The following FRMPD4 variants were observed in gnomAD, a reference collection of about 807,000 sequenced individuals.
The protein encoded by FRMPD4 is FERM and PDZ domain-containing protein 4.
In FRMPD4, 22 loss-of-function variants were observed where a neutral mutation model predicts 94.1. The observed-to-expected ratio is 0.23, with a 90% CI of 0.17 to 0.33. The LOEUF is 0.33. Among genes scored for constraint, FRMPD4 ranks in the 10% least tolerant of loss-of-function variants. The probability of loss-of-function intolerance (pLI) is 1.00; values close to 1 mark genes in which losing one functional copy is unlikely to be tolerated. For missense variants in FRMPD4, 1,111 were observed against 1,339.9 expected, an observed-to-expected ratio of 0.83 and a Z score of 2.67; for synonymous variants, 631 against 548.6, an observed-to-expected ratio of 1.15 and a Z score of -2.10.
intron 3 of FRMPD4, among the ~76,000 whole-genome samples, chrX:12,079,499 C>G (rs1249914232): frequency 9.0e-6 from 1 of 111,671 alleles, no homozygotes; most frequent in African/African-American, 3.3e-5. Flanking sequence ...CATTTTTACA[C>G]TTTAAGACTT....
chrX:12,107,067 G>A (rs879215093), intron 3 of FRMPD4, among the ~76,000 whole-genome samples: 10 of 111,629 alleles, frequency 9.0e-5, no homozygotes, highest in Non-Finnish European at 1.3e-4. Context: ...CTCCCAGCAC[G>A]GAGTCTGAGA....
intron 1 of FRMPD4, among the ~76,000 whole-genome samples, chrX:12,175,374 A>G (rs1045779932): frequency 1.4e-4 from 16 of 111,827 alleles, no homozygotes; most frequent in Admixed American, 1.4e-3. Flanking sequence ...TAAGTGGTCC[A>G]TTTGTTAGTT....
chrX:12,267,364 T>A (rs2054291776), intron 1 of FRMPD4, among the ~76,000 whole-genome samples: 1 of 112,369 alleles, frequency 8.9e-6, no homozygotes. Flanking sequence ...ACAGCCAATT[T>A]TCCCCCTTTT....
At chrX:12,438,932 G>A (rs188914825) in intron 1 of FRMPD4, among the ~76,000 whole-genome samples, 51 of 111,205 alleles carry the variant, frequency 4.6e-4, no homozygotes, top group Non-Finnish European at 8.5e-4. Context: ...TTCTCTGTGC[G>A]TCGCTCACCT....
At chrX:11,826,174 G>T (rs2053442639) in intron 1 of FRMPD4, among the ~76,000 whole-genome samples, 1 of 111,826 alleles carries the variant, frequency 8.9e-6, no homozygotes, top group South Asian at 3.7e-4. Flanking sequence ...TTTTTGGATA[G>T]TCCAGGACTC....
rs754312297 is a variant in FRMPD4 at position 12,668,788 on chromosome X, A to T, written c.423-6075A>T. ...CCCGGCTAATTTTTGTATTATTAGTACAGACAGGGTTTCACTATGTTGGCC... is the reference window on the plus strand; with the variant it reads ...CCCGGCTAATTTTTGTATTATTAGTTCAGACAGGGTTTCACTATGTTGGCC... On this transcript the variant is annotated intron_variant, in intron 4 of 16. Transcript: ENST00000675598. 1.9e-4 allele frequency among the ~76,000 whole-genome samples: 21 copies of T among 109,933 alleles called. 1 individual carries two copies. The highest frequency in any genetic ancestry group is 3.4e-4 in the Non-Finnish European group (18 of 52,712).
At chrX:11,843,552 CTTTCT>C (rs1322177488) in intron 1 of FRMPD4, among the ~76,000 whole-genome samples, 5 of 109,495 alleles carry the variant, frequency 4.6e-5, no homozygotes, top group Non-Finnish European at 9.5e-5. Flanking sequence ...TCCTTCTTTC[CTTTCT>C]TTTCTTTCCT....
At chrX:12,214,820 G>A (rs141149755) in intron 1 of FRMPD4, among the ~76,000 whole-genome samples, 2,408 of 111,953 alleles carry the variant, frequency 0.022, 32 homozygotes, top group Middle Eastern at 0.07. Context: ...AATAGATCAT[G>A]TTTTGATTAA....
At chrX:12,618,048 T>TTAACTC (rs1180876569) in intron 4 of FRMPD4, among the ~76,000 whole-genome samples, 1 of 111,955 alleles carries the variant, frequency 8.9e-6, no homozygotes, top group African/African-American at 3.2e-5. Context: ...TTCTAAGTTG[T>TTAACTC]TAACTCTAAC....
intron 1 of FRMPD4, among the ~76,000 whole-genome samples, chrX:12,389,913 T>C (rs188764623): frequency 9.0e-4 from 101 of 111,995 alleles, no homozygotes; most frequent in Admixed American, 3.8e-3. Flanking sequence ...TTTGATGTTA[T>C]GTAGCTAATA....
chrX:12,481,013 G>A (rs2057674429), intron 1 of FRMPD4, among the ~76,000 whole-genome samples: 1 of 111,565 alleles, frequency 9.0e-6, no homozygotes, highest in Non-Finnish European at 1.9e-5. Context: ...CTGTTAAGGA[G>A]GTAGAGAGTC....
chrX:12,563,642 T>C (rs2058681042), intron 2 of FRMPD4, among the ~76,000 whole-genome samples: 1 of 111,863 alleles, frequency 8.9e-6, no homozygotes, highest in Non-Finnish European at 1.9e-5. Context: ...TTAGAAAGTC[T>C]CAACCTTGCA....
chrX:12,209,084 T>A (rs2056727369), intron 1 of FRMPD4, among the ~76,000 whole-genome samples: 1 of 111,987 alleles, frequency 8.9e-6, no homozygotes, highest in South Asian at 3.7e-4. Context: ...TGGAATTTTG[T>A]CTTCTTAAAT....
intron 14 of FRMPD4, among the ~76,000 whole-genome samples, chrX:12,715,746 G>A (rs2042066572): frequency 8.9e-6 from 1 of 112,098 alleles, no homozygotes; most frequent in Non-Finnish European, 1.9e-5. Context: ...TTGTAGATAT[G>A]AATGAAGCCT....
intron 1 of FRMPD4, among the ~76,000 whole-genome samples, chrX:11,859,650 G>A (rs914645193): frequency 8.9e-6 from 1 of 112,061 alleles, no homozygotes; most frequent in African/African-American, 3.2e-5. Context: ...AAGTCAGGAA[G>A]GAATTACTGA....
intron 3 of FRMPD4, among the ~76,000 whole-genome samples, chrX:12,109,353 T>C (rs911164162): frequency 4.5e-5 from 5 of 111,872 alleles, no homozygotes; most frequent in African/African-American, 6.5e-5. Flanking sequence ...AAGGCAGAAA[T>C]AAAGATGTTC....
chrX:12,551,379 C>T (rs1413292580), intron 2 of FRMPD4, among the ~76,000 whole-genome samples: 1 of 110,493 alleles, frequency 9.1e-6, no homozygotes, highest in Non-Finnish European at 1.9e-5. Context: ...CATATAATGA[C>T]ACTGAAATTA....
At chrX:12,292,519 G>A (rs1020598900) in intron 1 of FRMPD4, among the ~76,000 whole-genome samples, 6 of 110,680 alleles carry the variant, frequency 5.4e-5, no homozygotes, top group African/African-American at 2.0e-4. Context: ...CATGTCAATC[G>A]AGATGTATTT....
intron 1 of FRMPD4, among the ~76,000 whole-genome samples, chrX:12,164,647 G>A (rs1323164285): frequency 6.6e-4 from 74 of 112,104 alleles, no homozygotes; most frequent in East Asian, 5.6e-3. Flanking sequence ...GGGTTGAACT[G>A]GCTTACAGTC....
Sources: allele counts gnomAD v4.1 joint callset (sites outside exome capture counted in the v4.1 genomes callset), GRCh38; gene constraint gnomAD v4.1.1; transcripts MANE v1.5; gene names NCBI Gene and HGNC (gene_info 2026-07-23, HGNC 2026-07-21).